The following EPB41 variants were observed in gnomAD, a reference collection of about 807,000 sequenced individuals.
EPB41 encodes the protein erythrocyte membrane protein band 4.1, also known as protein 4.1.
EPB41 carries 65 observed loss-of-function variants against 108.0 expected under a neutral mutation model. The observed-to-expected ratio is 0.60, with a 90% CI of 0.49 to 0.74. The LOEUF is 0.74. EPB41 is among the 30% of genes least tolerant of loss of function. The pLI is 0.00. For missense variants in EPB41, 875 were observed against 1,037.0 expected (o/e 0.84, Z 2.15); for synonymous variants, 336 against 358.9 (o/e 0.94, Z 0.72).
chr1:28,902,583 C>T (rs772063973), intron 1 of EPB41, among the ~76,000 whole-genome samples: 1 of 152,118 alleles, frequency 6.6e-6, no homozygotes, highest in East Asian at 1.9e-4. Context: ...GTCACCAGCT[C>T]AACTGCTATT....
At chr1:28,971,980 C>T (rs1261492339) in intron 1 of EPB41, among the ~76,000 whole-genome samples, 3 of 152,024 alleles carry the variant, frequency 2.0e-5, no homozygotes, top group South Asian at 2.1e-4. Context: ...ACTACAGTCT[C>T]GACCTCCGCG....
rs191295879 is a variant in EPB41 at position 29,048,545 on chromosome 1, A to T, written c.1637-4559A>T. 1.3e-3 allele frequency among the ~76,000 whole-genome samples: 197 copies of T among 152,172 alleles called. 1 individual carries two copies. Among genetic ancestry groups the T allele is most frequent in the African/African-American group, 3.2e-3 (133 of 41,526 alleles). ...CTTTACGCTTTTATTGAGCTTTTTTAAAAAAAATTCTTGAACTAGATACTC... is the reference window on the plus strand; with the variant it reads ...CTTTACGCTTTTATTGAGCTTTTTTTAAAAAAATTCTTGAACTAGATACTC... On this transcript the variant is annotated intron_variant, in intron 11 of 20. Coordinates refer to ENST00000343067, the MANE Select transcript of EPB41 (RefSeq NM_001376013.1).
intron 17 of EPB41, among the ~76,000 whole-genome samples, chr1:29,108,704 A>G (rs936624974): frequency 6.6e-6 from 1 of 150,898 alleles, no homozygotes; most frequent in African/African-American, 2.4e-5. Context: ...ATTATAGGCA[A>G]GCACCACCAC....
At chr1:29,110,901 T>TGTATTA (rs1167157578) in intron 18 of EPB41, among the ~76,000 whole-genome samples, 1 of 152,212 alleles carries the variant, frequency 6.6e-6, no homozygotes, top group Non-Finnish European at 1.5e-5. Context: ...TCATGGTGGC[T>TGTATTA]CATGCCTGTA....
At chr1:29,041,930 T>G (rs1194108239) in intron 11 of EPB41, among the ~76,000 whole-genome samples, 6 of 152,218 alleles carry the variant, frequency 3.9e-5, no homozygotes, top group Admixed American at 3.3e-4. Flanking sequence ...GTATGGTATT[T>G]AGCACAATGG....
rs1024332565 is a variant in EPB41, at chr1:29,115,174, T to G, written c.2497-525T>G. Among the ~76,000 whole-genome samples the G allele has an allele frequency of 2.6e-5, 4 of 152,020 alleles. No individual in the cohort carries two copies. Among genetic ancestry groups the G allele is most frequent in the Non-Finnish European group, 5.9e-5 (4 of 67,992 alleles). On this transcript the variant is annotated intron_variant, in intron 19 of 20. Coordinates refer to ENST00000343067, the MANE Select transcript of EPB41 (RefSeq NM_001376013.1). The surrounding 1 kb of genome is among the most constrained non-coding windows in gnomAD (Gnocchi z 4.4). ...TTGGGAGGCCAAGCCAGGTGGATCA[T>G]TTGAGGTCAGGAGTTCGAGACCAGT...
chr1:29,074,820 T>C (rs562618906), intron 16 of EPB41, among the ~76,000 whole-genome samples: 2 of 152,354 alleles, frequency 1.3e-5, no homozygotes, highest in South Asian at 4.1e-4. Flanking sequence ...CCTAACTAAA[T>C]GTATAGATAA....
intron 18 of EPB41, chr1:29,109,667 G>A (rs1668490861): frequency 1.8e-6 from 1 of 564,562 alleles, no homozygotes; most frequent in African/African-American, 1.9e-5. Context: ...CCTAAAGGTA[G>A]GTGTGGTTGT....
chr1:28,935,305 C>T (rs1302546443), intron 1 of EPB41, among the ~76,000 whole-genome samples: 8 of 151,492 alleles, frequency 5.3e-5, no homozygotes, highest in African/African-American at 1.7e-4. Flanking sequence ...TGCTGTGGTG[C>T]GCATGCCTGT....
At chr1:29,075,272 G>A (rs1335230164) in intron 16 of EPB41, among the ~76,000 whole-genome samples, 1 of 152,074 alleles carries the variant, frequency 6.6e-6, no homozygotes, top group Non-Finnish European at 1.5e-5. Context: ...GAGGTCAGGA[G>A]TTCAAGACCA....
At chr1:28,941,723 C>G (rs566401007) in intron 1 of EPB41, among the ~76,000 whole-genome samples, 2 of 151,864 alleles carry the variant, frequency 1.3e-5, no homozygotes, top group Admixed American at 1.3e-4. Flanking sequence ...TGGAGAAACC[C>G]CGTCTCTACT....
intron 1 of EPB41, among the ~76,000 whole-genome samples, chr1:28,907,417 C>G (rs2091923923): frequency 6.6e-6 from 1 of 151,904 alleles, no homozygotes; most frequent in Admixed American, 6.6e-5. Flanking sequence ...AGGCTGGTCT[C>G]AAACTCCTGG....
At chr1:29,070,315 AT>A (rs1650728329) in intron 16 of EPB41, 4 of 1,204,936 alleles carry the variant, frequency 3.3e-6, no homozygotes. Flanking sequence ...TCCATCTGTC[AT>A]TTTGTTCATC....
intron 17 of EPB41, among the ~76,000 whole-genome samples, chr1:29,106,563 G>GTTTT (rs1558324414): frequency 3.5e-4 from 13 of 37,150 alleles, no homozygotes; most frequent in South Asian, 1.9e-3. Context: ...GAGTAGCTGG[G>GTTTT]ATTTTTTTTT....
intron 1 of EPB41, among the ~76,000 whole-genome samples, chr1:28,975,282 A>G (rs913827527): frequency 9.2e-5 from 14 of 152,266 alleles, no homozygotes; most frequent in Middle Eastern, 3.4e-3. Flanking sequence ...GAGGTATATT[A>G]TAAAAATGCC....
At chr1:29,002,027 A>AAACT (rs2149763309) in intron 4 of EPB41, among the ~76,000 whole-genome samples, 1 of 152,354 alleles carries the variant, frequency 6.6e-6, no homozygotes, top group South Asian at 2.1e-4. Flanking sequence ...TACTAGTTGC[A>AAACT]AGTTAGATAA....
In EPB41 at chr1:29,112,436, T is replaced by C; in HGVS notation, c.2484T>C (p.Ile828=). 3 of 1,613,956 alleles carry C rather than the reference T, an allele frequency of 1.9e-6. No individual in the cohort carries two copies. The highest frequency in any genetic ancestry group is 2.5e-6 in the Non-Finnish European group (3 of 1,179,880). The part of the protein sequence containing the change: ...KRIVITGDAD[I]DHDQVLVQAI... ...TTGTGATCACAGGAGATGCTGATAT[T>C]GACCATGATCAGGTGGGAATGTTGA... Residue 828 remains isoleucine (I), a synonymous_variant, in exon 19 of 21, where the codon ATT becomes ATC. Transcript: ENST00000343067.
chr1:29,077,546 TTATC>T (rs1437278454), intron 16 of EPB41, among the ~76,000 whole-genome samples: 2 of 152,234 alleles, frequency 1.3e-5, no homozygotes, highest in Non-Finnish European at 2.9e-5. Flanking sequence ...ACATTTATGT[TTATC>T]TAAAATACAT....
At chr1:29,012,010 A>C in intron 5 of EPB41, 103 bp downstream of exon 5, 3 of 1,212,918 alleles carry the variant, frequency 2.5e-6, no homozygotes, top group Non-Finnish European at 3.6e-6. Context: ...AATCCTGACT[A>C]CTGCAGATTG....
Sources: gnomAD v4.1 joint callset for allele counts (sites outside exome capture counted in the v4.1 genomes callset) on GRCh38, gnomAD v4.1.1 for gene constraint, Gnocchi (gnomAD v3.1) non-coding constraint, MANE v1.5 for transcripts, NCBI Gene and HGNC (gene_info 2026-07-23, HGNC 2026-07-21) for gene names.